TAFA1: variants seen among roughly 807,000 people sequenced by gnomAD.
TAFA1 encodes TAFA chemokine like family member 1.
TAFA1 carries 4 observed loss-of-function variants against 18.5 expected under a neutral mutation model. That is an observed-to-expected ratio of 0.22 (90% CI 0.11 to 0.49). The LOEUF is 0.49. TAFA1 is among the 20% of genes least tolerant of loss of function. The pLI, the probability that TAFA1 is intolerant of heterozygous loss-of-function variation, is 0.98. For missense variants in TAFA1, 147 were observed against 169.0 expected (o/e 0.87, Z 0.72); for synonymous variants, 56 against 55.2 (o/e 1.01, Z -0.06).
At chr3:68,043,675 T>C (rs1188047047) in intron 2 of TAFA1, among the ~76,000 whole-genome samples, 3 of 152,130 alleles carry the variant, frequency 2.0e-5, no homozygotes, top group South Asian at 2.1e-4. Context: ...GATTTAAACA[T>C]TTTTTCTCTC....
At chr3:68,353,789 A>G (rs1310888858) in intron 2 of TAFA1, among the ~76,000 whole-genome samples, 1 of 152,068 alleles carries the variant, frequency 6.6e-6, no homozygotes. Flanking sequence ...GAACTCCGCA[A>G]GCAAAATCCA....
intron 3 of TAFA1, among the ~76,000 whole-genome samples, chr3:68,495,046 T>C (rs1388810458): frequency 6.6e-6 from 1 of 152,028 alleles, no homozygotes; most frequent in Non-Finnish European, 1.5e-5. Flanking sequence ...AGAAGCTCTA[T>C]TAACTGACCT....
chr3:68,318,648 GT>G (rs1189423506), intron 2 of TAFA1, among the ~76,000 whole-genome samples: 1 of 152,058 alleles, frequency 6.6e-6, no homozygotes, highest in Non-Finnish European at 1.5e-5. Context: ...AAATTACTTT[GT>G]TTCCAGTCTT....
chr3:68,093,678 C>T (rs1287233280), intron 2 of TAFA1, among the ~76,000 whole-genome samples: 3 of 151,984 alleles, frequency 2.0e-5, no homozygotes, highest in Non-Finnish European at 2.9e-5. Flanking sequence ...GTTGCATTCC[C>T]CCAGAGCTAT....
intron 3 of TAFA1, among the ~76,000 whole-genome samples, chr3:68,493,162 C>T (rs998604458): frequency 1.3e-5 from 2 of 152,104 alleles, no homozygotes; most frequent in East Asian, 1.9e-4. Context: ...CCCTCTTCCT[C>T]GTCTCAGCAA....
intron 2 of TAFA1, among the ~76,000 whole-genome samples, chr3:68,304,806 C>A (rs4345072): frequency 0.82 from 125,099 of 152,086 alleles, 51,786 homozygotes; most frequent in East Asian, 0.91. Flanking sequence ...GAAGTTATCA[C>A]GGAAAATGTT....
intron 3 of TAFA1, among the ~76,000 whole-genome samples, chr3:68,521,633 C>G (rs2073022536): frequency 6.6e-6 from 1 of 151,980 alleles, no homozygotes. Context: ...CAAAGTATAC[C>G]TTAGAGACAG....
chr3:68,015,134 T>G (rs1704543657), intron 2 of TAFA1, among the ~76,000 whole-genome samples: 1 of 152,122 alleles, frequency 6.6e-6, no homozygotes, highest in Non-Finnish European at 1.5e-5. Flanking sequence ...CTGTACTGAG[T>G]TATACCCAGC....
chr3:68,276,379 G>A (rs935029860), intron 2 of TAFA1, among the ~76,000 whole-genome samples: 6 of 152,060 alleles, frequency 3.9e-5, no homozygotes, highest in Non-Finnish European at 8.8e-5. Context: ...CCCCTCTTGC[G>A]ACAACCCAAA....
intron 2 of TAFA1, among the ~76,000 whole-genome samples, chr3:68,241,115 A>G (rs1308754180): frequency 2.0e-5 from 3 of 152,294 alleles, no homozygotes; most frequent in African/African-American, 7.2e-5. Context: ...ATGTCTTCAC[A>G]GTGGTTAGGT....
intron 2 of TAFA1, among the ~76,000 whole-genome samples, chr3:68,384,069 T>G (rs1369154377): frequency 6.6e-6 from 1 of 152,100 alleles, no homozygotes; most frequent in Non-Finnish European, 1.5e-5. Flanking sequence ...ATCCTCTCTC[T>G]TTTCTTCTTT....
At chr3:68,120,239 TTCTTTCTTTCTTTCTTTCTTTC>T (rs2065381003) in intron 2 of TAFA1, among the ~76,000 whole-genome samples, 1 of 134,830 alleles carries the variant, frequency 7.4e-6, no homozygotes, top group African/African-American at 3.0e-5. Context: ...CTTTCTTTCT[TTCTTTCTTTCTTTCTTTCTTTC>T]TTTTTTGAGA....
chr3:68,268,694 T>C (rs763855540), intron 2 of TAFA1, among the ~76,000 whole-genome samples: 11 of 152,138 alleles, frequency 7.2e-5, no homozygotes, highest in African/African-American at 1.4e-4. Flanking sequence ...AATATCCACC[T>C]CTTGCCTGAT....
intron 2 of TAFA1, among the ~76,000 whole-genome samples, chr3:68,156,773 A>G (rs1176586026): frequency 2.7e-5 from 1 of 37,466 alleles, no homozygotes; most frequent in Non-Finnish European, 1.7e-4. Flanking sequence ...GTTCTGTGCC[A>G]GGGAAAAAAA....
chr3:68,498,189 G>A (rs1306789693), intron 3 of TAFA1, among the ~76,000 whole-genome samples: 1 of 152,172 alleles, frequency 6.6e-6, no homozygotes, highest in Non-Finnish European at 1.5e-5. Context: ...TGGGCATAAG[G>A]ATAGTGTCTA....
intron 2 of TAFA1, among the ~76,000 whole-genome samples, chr3:68,065,176 T>C (rs1328464299): frequency 2.0e-5 from 3 of 152,204 alleles, no homozygotes; most frequent in African/African-American, 7.2e-5. Flanking sequence ...AGCGACTAAC[T>C]ATGAATGTCT....
chr3:68,535,247 T>C (rs965645790), intron 3 of TAFA1, among the ~76,000 whole-genome samples: 1 of 152,190 alleles, frequency 6.6e-6, no homozygotes, highest in African/African-American at 2.4e-5. Flanking sequence ...TCCCTTTCAA[T>C]AGTGTATGTT....
chr3:67,999,027 G>A, the TAFA1 span, among the ~76,000 whole-genome samples: 1 of 152,196 alleles, frequency 6.6e-6, no homozygotes, highest in Admixed American at 6.5e-5. Flanking sequence ...AAAATCACAG[G>A]TTTTATTTTC....
chr3:68,522,882 C>T (rs2073049175), intron 3 of TAFA1, among the ~76,000 whole-genome samples: 3 of 151,862 alleles, frequency 2.0e-5, no homozygotes. Flanking sequence ...TCAAGACCAG[C>T]CTGGCCAACA....
Sources: allele counts gnomAD v4.1 joint callset (sites outside exome capture counted in the v4.1 genomes callset), GRCh38; gene constraint gnomAD v4.1.1; transcripts MANE v1.5; gene names NCBI Gene and HGNC (gene_info 2026-07-23, HGNC 2026-07-21).